Variants in SERGEF observed in about 807,000 individuals in gnomAD.
SERGEF encodes secretion-regulating guanine nucleotide exchange factor.
SERGEF carries 51 observed loss-of-function variants against 50.0 expected under a neutral mutation model. That is an observed-to-expected ratio of 1.02 (90% CI 0.81 to 1.29). The LOEUF (loss-of-function observed/expected upper bound fraction) is 1.29, where lower values mean the gene tolerates loss of function less well. Ranked by LOEUF, SERGEF falls within the 50% of genes most tolerant of loss-of-function variation. The pLI is 0.00. For missense variants in SERGEF, 521 were observed against 557.0 expected (o/e 0.94, Z 0.65); for synonymous variants, 205 against 212.4 (o/e 0.97, Z 0.30).
intron 8 of SERGEF, among the ~76,000 whole-genome samples, chr11:17,969,512 G>A (rs1853199825): frequency 6.6e-6 from 1 of 152,152 alleles, no homozygotes; most frequent in Non-Finnish European, 1.5e-5. Flanking sequence ...AGTAGGCTGG[G>A]GGGTGAGGAG....
chr11:17,873,078 C>T (rs1007377342), intron 10 of SERGEF, among the ~76,000 whole-genome samples: 1 of 152,126 alleles, frequency 6.6e-6, no homozygotes, highest in African/African-American at 2.4e-5. Context: ...ATCTTAAATA[C>T]TGAAACAAAA....
chr11:17,806,116 C>G (rs1849754536), intron 10 of SERGEF, among the ~76,000 whole-genome samples: 1 of 152,168 alleles, frequency 6.6e-6, no homozygotes, highest in South Asian at 2.1e-4. Flanking sequence ...CCTATGGAGA[C>G]TAAACTGCAC....
At position 17,884,283 on chromosome 11, in the gene SERGEF, G is replaced by A. The variant is rs1282609962; in HGVS notation, c.1012-6039C>T. On this transcript the variant is annotated intron_variant, in intron 9 of 10. Coordinates refer to ENST00000265965, the MANE Select transcript of SERGEF (RefSeq NM_012139.4). This position sits in a 1 kb window ranked among gnomAD's most constrained non-coding sequence, Gnocchi z 4.6. ...TTGGTACGGTACTGGGTTATGCTCT[G>A]TGCCGCACTGCGAGCCCTTGGCGGG... Among the ~76,000 whole-genome samples, 1 of 152,234 alleles carries A rather than the reference G, an allele frequency of 6.6e-6. No homozygotes were observed. Among genetic ancestry groups the A allele is most frequent in the Non-Finnish European group, 1.5e-5 (1 of 68,042 alleles).
chr11:17,967,647 G>A (rs1266029889), intron 8 of SERGEF, among the ~76,000 whole-genome samples: 1 of 152,224 alleles, frequency 6.6e-6, no homozygotes, highest in African/African-American at 2.4e-5. Flanking sequence ...AAAGCAAGAA[G>A]GAGTCAGGCT....
At chr11:17,940,953 T>C (rs1396893617) in intron 9 of SERGEF, among the ~76,000 whole-genome samples, 1 of 152,226 alleles carries the variant, frequency 6.6e-6, no homozygotes, top group African/African-American at 2.4e-5. Context: ...CAATATTTAT[T>C]ATAAACATTT....
chr11:17,956,595 C>T (rs868245221), intron 9 of SERGEF, among the ~76,000 whole-genome samples: 1 of 152,140 alleles, frequency 6.6e-6, no homozygotes, highest in Non-Finnish European at 1.5e-5. Flanking sequence ...GATGGTTATA[C>T]CACAGTCTAG....
intron 10 of SERGEF, among the ~76,000 whole-genome samples, chr11:17,842,134 G>A (rs574466658): frequency 1.4e-4 from 22 of 152,122 alleles, no homozygotes; most frequent in Non-Finnish European, 1.3e-4. Flanking sequence ...TTGAGGGTGA[G>A]GGATCATGTC....
Position 17,907,254 on chromosome 11 carries a change from A to G in SERGEF, c.1012-29010T>C, listed in dbSNP as rs577102206. Among the ~76,000 whole-genome samples, 12 of 152,160 alleles carry G rather than the reference A, an allele frequency of 7.9e-5. No homozygotes were observed. The East Asian group carries it at 2.3e-3, about 29-fold the overall frequency. On this transcript the variant is annotated intron_variant, in intron 9 of 10. Transcript: ENST00000265965. ...CCATTCTGGTCCCAGTTCTACTACT[A>G]AATAATTAAGACCTTGAGCAAACCA... is the stretch of plus-strand genomic sequence containing the variant.
At chr11:17,933,938 T>C (rs1219102993) in intron 9 of SERGEF, among the ~76,000 whole-genome samples, 2 of 152,144 alleles carry the variant, frequency 1.3e-5, no homozygotes, top group Admixed American at 1.3e-4. Context: ...CATGAACAAG[T>C]GGCTCTGCTT....
At chr11:17,944,916 G>C (rs1270528955) in intron 9 of SERGEF, among the ~76,000 whole-genome samples, 1 of 152,110 alleles carries the variant, frequency 6.6e-6, no homozygotes, top group African/African-American at 2.4e-5. Flanking sequence ...AAAAGAAAAG[G>C]CCTTCCTGCC....
At chr11:17,885,935 T>C (rs1451163422) in intron 9 of SERGEF, among the ~76,000 whole-genome samples, 1 of 152,188 alleles carries the variant, frequency 6.6e-6, no homozygotes, top group Non-Finnish European at 1.5e-5. Flanking sequence ...GCCTTGGCTA[T>C]AGTTTGCTTT....
intron 10 of SERGEF, chr11:17,855,133 T>C (rs544823120): frequency 1.3e-5 from 2 of 152,224 alleles, no homozygotes; most frequent in Non-Finnish European, 2.9e-5. Flanking sequence ...TTACTTTTTA[T>C]ACAAAATTAT....
chr11:17,797,661 T>G (rs1016397553), intron 10 of SERGEF, among the ~76,000 whole-genome samples: 2 of 152,246 alleles, frequency 1.3e-5, no homozygotes, highest in African/African-American at 4.8e-5. Context: ...TTTTGTTTGC[T>G]GCTATATCCC....
intron 7 of SERGEF, among the ~76,000 whole-genome samples, chr11:17,992,281 G>C (rs1034244482): frequency 6.6e-6 from 1 of 152,120 alleles, no homozygotes; most frequent in African/African-American, 2.4e-5. Flanking sequence ...TAGACACACA[G>C]ATTAGATATT....
intron 7 of SERGEF, 80 bp from the exon 8 acceptor site, chr11:17,988,835 T>C: frequency 7.0e-7 from 1 of 1,423,384 alleles, no homozygotes; most frequent in Non-Finnish European, 9.6e-7. Context: ...GTCTAAAAAA[T>C]AAGTGGTTAA....
At chr11:17,860,736 T>C (rs957280071) in intron 10 of SERGEF, among the ~76,000 whole-genome samples, 2 of 152,226 alleles carry the variant, frequency 1.3e-5, no homozygotes, top group African/African-American at 4.8e-5. Flanking sequence ...GAGTTTAAGA[T>C]CTTAATAGGT....
intron 4 of SERGEF, among the ~76,000 whole-genome samples, chr11:18,003,900 C>T (rs1854018931): frequency 6.6e-6 from 1 of 152,062 alleles, no homozygotes; most frequent in Admixed American, 6.5e-5. Flanking sequence ...ATATTGGTTG[C>T]TCATCTCTGT....
chr11:17,920,309 C>T (rs190183222), intron 9 of SERGEF, among the ~76,000 whole-genome samples: 1 of 152,246 alleles, frequency 6.6e-6, no homozygotes, highest in East Asian at 1.9e-4. Flanking sequence ...AAATCCCTTA[C>T]CCTGCTCTCA....
chr11:17,792,485 G>A (rs1461942986), intron 10 of SERGEF, among the ~76,000 whole-genome samples: 1 of 152,218 alleles, frequency 6.6e-6, no homozygotes, highest in African/African-American at 2.4e-5. Context: ...GAAGCTGGCA[G>A]GTGCCTCTCC....
Sources: allele counts gnomAD v4.1 joint callset (sites outside exome capture counted in the v4.1 genomes callset), GRCh38; gene constraint gnomAD v4.1.1; non-coding constraint Gnocchi (gnomAD v3.1); transcripts MANE v1.5; gene names NCBI Gene and HGNC (gene_info 2026-07-23, HGNC 2026-07-21).